The following MINDY2 variants were observed in gnomAD, a reference collection of about 807,000 sequenced individuals.
MINDY2 encodes MINDY lysine 48 deubiquitinase 2, also known as ubiquitin carboxyl-terminal hydrolase MINDY-2.
In MINDY2, 52 loss-of-function variants were observed where a neutral mutation model predicts 68.2. The observed-to-expected ratio is 0.76, with a 90% CI of 0.61 to 0.96. The LOEUF (loss-of-function observed/expected upper bound fraction) is 0.96, where lower values mean the gene tolerates loss of function less well. Among genes scored for constraint, MINDY2 ranks in the 40% least tolerant of loss-of-function variants. MINDY2 has a pLI of 0.00. For synonymous variants in MINDY2, 372 were observed against 303.0 expected (o/e 1.23, Z -2.36); for missense variants, 881 against 773.4 (o/e 1.14, Z -1.65).
chr15:58,810,215 CT>C lies in MINDY2; in HGVS notation c.964-11del. ...GATGTTTCTGAATTAGAACTTTCCC[CT>C]TTTCTATTTTCAGAATATGAGTGAT... On this transcript the variant is annotated splice_polypyrimidine_tract_variant and intron_variant, in intron 3 of 8. Transcript: ENST00000559228. 2 of 1,584,212 alleles carry C rather than the reference CT, an allele frequency of 1.3e-6. No individual in the cohort carries two copies. Among genetic ancestry groups the C allele is most frequent in the Non-Finnish European group, 8.6e-7 (1 of 1,166,236 alleles).
At chr15:58,837,720 C>G (rs1045874268) in intron 6 of MINDY2, among the ~76,000 whole-genome samples, 5 of 151,702 alleles carry the variant, frequency 3.3e-5, no homozygotes, top group Non-Finnish European at 7.4e-5. Flanking sequence ...AATTGCAGTA[C>G]TTTGAGAGGC....
At chr15:58,790,018 A>G (rs1389705677) in intron 2 of MINDY2, among the ~76,000 whole-genome samples, 1 of 151,980 alleles carries the variant, frequency 6.6e-6, no homozygotes, top group Non-Finnish European at 1.5e-5. Flanking sequence ...GGCTCAAGCG[A>G]TCCTCCCACC....
intron 1 of MINDY2, among the ~76,000 whole-genome samples, chr15:58,780,557 T>G (rs1340204834): frequency 6.6e-6 from 1 of 152,186 alleles, no homozygotes; most frequent in Admixed American, 6.5e-5. Flanking sequence ...ACAGTAGGTC[T>G]GGGGCAAAAC....
intron 2 of MINDY2, among the ~76,000 whole-genome samples, chr15:58,797,454 G>C (rs1902358017): frequency 6.6e-6 from 1 of 152,226 alleles, no homozygotes; most frequent in Non-Finnish European, 1.5e-5. Context: ...GCTGCAGTGA[G>C]CCATGTTTGT....
intron 5 of MINDY2, among the ~76,000 whole-genome samples, chr15:58,825,468 T>C (rs1471118147): frequency 6.6e-6 from 1 of 152,192 alleles, no homozygotes; most frequent in African/African-American, 2.4e-5. Context: ...TGATTTTTCA[T>C]GGCAGCAAAA....
intron 5 of MINDY2, among the ~76,000 whole-genome samples, chr15:58,823,397 G>A (rs1249019046): frequency 5.9e-5 from 9 of 152,014 alleles, no homozygotes; most frequent in African/African-American, 1.4e-4. Flanking sequence ...GGACAGGCTG[G>A]ACATTGTGGC....
intron 5 of MINDY2, among the ~76,000 whole-genome samples, chr15:58,827,606 G>T (rs1409504103): frequency 6.6e-6 from 1 of 152,066 alleles, no homozygotes; most frequent in Admixed American, 6.6e-5. Flanking sequence ...TGAGACTACA[G>T]GCGCCCGCCA....
Position 58,859,717 on chromosome 15 carries a change from C to T in MINDY2, c.*5107C>T, listed in dbSNP as rs677933. 6.6e-6 allele frequency: 1 copy of T among 151,978 alleles called. No homozygotes were observed. 9.4% of individuals were successfully genotyped at this position (151,978 alleles called of 1,614,324 possible). A position where few individuals can be genotyped will look rare whatever the true frequency, so the allele number is the denominator to read the frequency against. ...AATTTAACTTACTTTGAATATCTAT[C>T]TAAATTTTAGTTCATGCATGTTCTT... is the stretch of plus-strand genomic sequence containing the variant. On this transcript the variant is annotated 3_prime_UTR_variant, in exon 9 of 9. Coordinates refer to ENST00000559228, the MANE Select transcript of MINDY2 (RefSeq NM_001040450.3).
chr15:58,831,623 A>C (rs1197745968), intron 5 of MINDY2, 151 bp from the exon 6 acceptor site: 2 of 581,316 alleles, frequency 3.4e-6, no homozygotes, highest in African/African-American at 1.9e-5. Flanking sequence ...TAAAAACACA[A>C]ATGTCCAGTT....
rs1182523003 is a variant in MINDY2, at chr15:58,778,810, C to CTTTTTTTTT, written c.840+6587_840+6595dup. ...CCCACCTAATTTTTTTTCTTTTTTTCTTTTTTTTTTTTTTTTTTTTGAGAC... is the reference window on the plus strand; with the variant it reads ...CCCACCTAATTTTTTTTCTTTTTTTCTTTTTTTTTTTTTTTTTTTTTTTTTTTTTGAGAC... On this transcript the variant is annotated intron_variant, in intron 1 of 8. Transcript: ENST00000559228. Among the ~76,000 whole-genome samples the CTTTTTTTTT allele has an allele frequency of 1.4e-3, 157 of 114,312 alleles. 1 individual carries two copies. Among genetic ancestry groups the CTTTTTTTTT allele is most frequent in the African/African-American group, 3.8e-3 (108 of 28,768 alleles). The allele number at this position is 114,312 out of a possible 152,430, so 75.0% of individuals were successfully genotyped here.
At chr15:58,817,370 A>G (rs1443541577) in intron 4 of MINDY2, among the ~76,000 whole-genome samples, 1 of 152,246 alleles carries the variant, frequency 6.6e-6, no homozygotes, top group Non-Finnish European at 1.5e-5. Context: ...TCAGAGAAAT[A>G]CAAATTAAAA....
intron 3 of MINDY2, among the ~76,000 whole-genome samples, chr15:58,809,816 G>T (rs2030098083): frequency 6.6e-6 from 1 of 152,238 alleles, no homozygotes; most frequent in African/African-American, 2.4e-5. Flanking sequence ...GTCTCGCTCT[G>T]TTGACCAGGC....
In MINDY2 at chr15:58,805,720, C is replaced by T. The variant is rs1170406357; in HGVS notation, c.963+3343C>T. Among the ~76,000 whole-genome samples the T allele has an allele frequency of 2.0e-5, 3 of 151,876 alleles. No individual in the cohort carries two copies. The East Asian group carries it at 5.8e-4, about 29-fold the overall frequency. On this transcript the variant is annotated intron_variant, in intron 3 of 8. Transcript: ENST00000559228. Reference sequence around the variant, plus strand: ...AGGAACAAAGTGGCAAAATACTTACCCAAGAGTTTAAAACCCTTTTAAAAT... The same window carrying T: ...AGGAACAAAGTGGCAAAATACTTACTCAAGAGTTTAAAACCCTTTTAAAAT...
chr15:58,779,622 A>G (rs1336945578), intron 1 of MINDY2, among the ~76,000 whole-genome samples: 1 of 152,242 alleles, frequency 6.6e-6, no homozygotes, highest in Admixed American at 6.5e-5. Flanking sequence ...GTTTTTAAAT[A>G]TAGATCCTGT....
At chr15:58,845,969 T>C (rs1330926201) in intron 6 of MINDY2, among the ~76,000 whole-genome samples, 1 of 152,182 alleles carries the variant, frequency 6.6e-6, no homozygotes, top group African/African-American at 2.4e-5. Flanking sequence ...TCGCATGTTC[T>C]TTCTTATTTT....
chr15:58,847,613 A>T (rs1370063573), intron 7 of MINDY2, 143 bp downstream of exon 7: 4 of 609,856 alleles, frequency 6.6e-6, no homozygotes, highest in Admixed American at 3.0e-5. Context: ...ATAGTTGGTG[A>T]TCATTCTACA....
chr15:58,854,506 C>G lies in MINDY2; in HGVS notation c.1762C>G (p.Pro588Ala). 1 of 1,613,562 alleles carries G rather than the reference C, an allele frequency of 6.2e-7. No homozygotes were observed. Among genetic ancestry groups the G allele is most frequent in the Non-Finnish European group, 8.5e-7 (1 of 1,179,808 alleles). The change falls in exon 9 of 9, where the codon CCA becomes GCA. Residue 588 changes from proline to alanine, a missense_variant. By Grantham distance (27) the Pro-to-Ala change is conservative. Transcript: ENST00000559228. Reference sequence around the variant, plus strand: ...GCAGGGCCAGCCAGCACAAGCCTCTCCATCAAGTGGAAGACAATCTGGGAA... The same window carrying G: ...GCAGGGCCAGCCAGCACAAGCCTCTGCATCAAGTGGAAGACAATCTGGGAA... ...AQQGQPAQAS[P>A]SSGRQSGNSE...
rs1280872054 is a variant in MINDY2 at position 58,856,267 on chromosome 15, T to A, written c.*1657T>A. On this transcript the variant is annotated 3_prime_UTR_variant, in exon 9 of 9. Coordinates refer to ENST00000559228, the MANE Select transcript of MINDY2 (RefSeq NM_001040450.3). ...TGAGCATCCACTTGGAGAGTGTTTTTTTTGTGTGTGGTCTGGGGTGACAAA... is the reference window on the plus strand; with the variant it reads ...TGAGCATCCACTTGGAGAGTGTTTTATTTGTGTGTGGTCTGGGGTGACAAA... 6.6e-6 allele frequency: 1 copy of A among 152,628 alleles called. No individual in the cohort carries two copies. The highest frequency in any genetic ancestry group is 6.5e-5 in the Admixed American group (1 of 15,278). 9.5% of individuals were successfully genotyped at this position (152,628 alleles called of 1,614,324 possible).
At chr15:58,780,219 A>T (rs1329099473) in intron 1 of MINDY2, among the ~76,000 whole-genome samples, 2 of 152,100 alleles carry the variant, frequency 1.3e-5, no homozygotes, top group Non-Finnish European at 2.9e-5. Context: ...AGCCTGACCA[A>T]CGTGGAGAAA....
Sources: allele counts gnomAD v4.1 joint callset (sites outside exome capture counted in the v4.1 genomes callset), GRCh38; gene constraint gnomAD v4.1.1; transcripts MANE v1.5; gene names NCBI Gene and HGNC (gene_info 2026-07-23, HGNC 2026-07-21).